The following SLC13A5 variants were observed in gnomAD, a reference collection of about 807,000 sequenced individuals.
SLC13A5 encodes Na(+)/citrate cotransporter.
A neutral mutation model predicts 56.5 loss-of-function variants in SLC13A5; 25 were observed. The ratio of observed to expected loss-of-function variants is 0.44; its 90% CI spans 0.32 to 0.62. The LOEUF (loss-of-function observed/expected upper bound fraction) is 0.62. SLC13A5 is among the 20% of genes least tolerant of loss of function. SLC13A5 has a pLI of 0.04. For missense variants in SLC13A5, 649 were observed against 737.8 expected (o/e 0.88, Z 1.39); for synonymous variants, 307 against 301.5 (o/e 1.02, Z -0.19).
At position 6,694,172 on chromosome 17, in the gene SLC13A5, T is replaced by C. The variant is rs1286369245; in HGVS notation, c.1081A>G (p.Ile361Val). The change falls in exon 8 of 12, where the codon ATC becomes GTC. Residue 361 changes from isoleucine (I) to valine (V), a missense_variant. Physicochemically the swap from Ile to Val is conservative, Grantham distance 29. Transcript: ENST00000433363. ...TKYVSDATVA[I>V]FVATLLFIVP... ...ATGAATAGCAGGGTGGCCACAAAGATGGCCACAGTGGCATCGGAGACATAC... is the reference window on the plus strand; with the variant it reads ...ATGAATAGCAGGGTGGCCACAAAGACGGCCACAGTGGCATCGGAGACATAC... 1 of 1,612,736 alleles carries C rather than the reference T, an allele frequency of 6.2e-7. No homozygotes were observed. The highest frequency in any genetic ancestry group is 8.5e-7 in the Non-Finnish European group (1 of 1,179,210).
At chr17:6,712,091 A>T (rs1205480777) in intron 1 of SLC13A5, among the ~76,000 whole-genome samples, 1 of 152,212 alleles carries the variant, frequency 6.6e-6, no homozygotes, top group African/African-American at 2.4e-5. Flanking sequence ...ACAGATGAGA[A>T]CACCAAGGCC....
At chr17:6,705,302 G>C (rs973888822) in intron 3 of SLC13A5, 7 of 152,238 alleles carry the variant, frequency 4.6e-5, no homozygotes, top group Admixed American at 1.3e-4. Flanking sequence ...TGACTCCCAG[G>C]ACAGGCAGTG....
In SLC13A5 at chr17:6,687,670, C is replaced by T. The variant is rs901014442; in HGVS notation, c.1438-4G>A. 41 of 1,587,534 alleles carry T rather than the reference C, an allele frequency of 2.6e-5. No individual in the cohort carries two copies. In the Admixed American group the frequency reaches 2.6e-4, roughly 10 times the overall value. ...GATTGAGGCCGATGGAGCGAGACTG[C>T]GGAAAAACAGCACTGCAACATCACC... is the stretch of plus-strand genomic sequence containing the variant. On this transcript the variant is annotated splice_region_variant and splice_polypyrimidine_tract_variant and intron_variant, in intron 10 of 11. Coordinates refer to ENST00000433363, the MANE Select transcript of SLC13A5 (RefSeq NM_177550.5). This position sits in a 1 kb window ranked among gnomAD's most constrained non-coding sequence, Gnocchi z 5.0.
intron 6 of SLC13A5, among the ~76,000 whole-genome samples, chr17:6,699,185 T>C (rs1028283974): frequency 6.6e-6 from 1 of 152,214 alleles, no homozygotes; most frequent in African/African-American, 2.4e-5. Context: ...TTATTATTCC[T>C]GTTGCCCCAT....
intron 4 of SLC13A5, 80 bp downstream of exon 4, chr17:6,703,798 G>A: frequency 7.1e-7 from 1 of 1,412,124 alleles, no homozygotes; most frequent in Non-Finnish European, 9.4e-7. Flanking sequence ...ACAGGGAGAA[G>A]GAGGTGGCCA....
At chr17:6,699,092 A>AAAT (rs1973641469) in intron 6 of SLC13A5, among the ~76,000 whole-genome samples, 1 of 148,462 alleles carries the variant, frequency 6.7e-6, no homozygotes, top group African/African-American at 2.5e-5. Flanking sequence ...AATAAATAAA[A>AAAT]TAAAATAAAA....
chr17:6,710,879 A>G (rs894030677), intron 1 of SLC13A5, among the ~76,000 whole-genome samples: 2 of 152,238 alleles, frequency 1.3e-5, no homozygotes, highest in African/African-American at 2.4e-5. Context: ...TTTACTTTAT[A>G]TCTTACAGAT....
intron 1 of SLC13A5, among the ~76,000 whole-genome samples, chr17:6,710,425 C>T (rs749024633): frequency 2.6e-5 from 4 of 152,166 alleles, no homozygotes; most frequent in Non-Finnish European, 4.4e-5. Flanking sequence ...TCCCATATGG[C>T]GCACAAAGTC....
chr17:6,704,078 G>A, intron 3 of SLC13A5, 22 bp from the exon 4 acceptor site: 1 of 1,597,858 alleles, frequency 6.3e-7, no homozygotes. Flanking sequence ...GGGCAGGGAG[G>A]AAAGCCAGAG....
rs766561824 is a variant in SLC13A5 at position 6,686,285 on chromosome 17, A to G, written c.1629T>C (p.Ala543=). 13 of 1,614,048 alleles carry G rather than the reference A, an allele frequency of 8.1e-6. No individual in the cohort carries two copies. Among genetic ancestry groups the G allele is most frequent in the Non-Finnish European group, 1.1e-5 (13 of 1,180,036 alleles). The change falls in exon 12 of 12, where the codon GCT becomes GCC. Residue 543 remains alanine (A), a synonymous_variant. Transcript: ENST00000433363. ...NIIGVFCVFL[A]VNTWGRAIFD... Reference sequence around the variant, plus strand: ...ATATGGCCCGTCCCCAGGTGTTGACAGCCAAAAACACACAGAAGACTCCAA... The same window carrying G: ...ATATGGCCCGTCCCCAGGTGTTGACGGCCAAAAACACACAGAAGACTCCAA...
At chr17:6,703,847 T>A in intron 4 of SLC13A5, 31 bp downstream of exon 4, 1 of 1,504,558 alleles carries the variant, frequency 6.6e-7, no homozygotes, top group Non-Finnish European at 8.8e-7. Context: ...GCTGCTGTTG[T>A]GGCCTGGCAG....
At chr17:6,694,057 T>A in intron 8 of SLC13A5, 40 bp downstream of exon 8, 1 of 1,418,572 alleles carries the variant, frequency 7.0e-7, no homozygotes, top group South Asian at 1.2e-5. Context: ...GTTCCAGGGC[T>A]CCAGTCCTGA....
In SLC13A5 at chr17:6,695,866, C is replaced by T; in HGVS notation, c.915G>A (p.Glu305=). The part of the protein sequence containing the change: ...EKAALKVLQE[E]YRKLGPLSFA... ...AGGACAAGGGCCCCAGCTTCCGGTA[C>T]TCCTCCTGCAGCACCTTGAGGGCAG... is the stretch of plus-strand genomic sequence containing the variant. The change falls in exon 7 of 12, where the codon GAG becomes GAA. Residue 305 remains glutamate (E), a synonymous_variant. Coordinates refer to ENST00000433363, the MANE Select transcript of SLC13A5 (RefSeq NM_177550.5). 4 of 1,614,168 alleles carry T rather than the reference C, an allele frequency of 2.5e-6. No homozygotes were observed. The African/African-American group carries it at 4.0e-5, about 16-fold the overall frequency.
Position 6,686,051 on chromosome 17 carries a change from T to G in SLC13A5, c.*156A>C. ...CCATGACCATCTCTGCATCTGGGCT[T>G]GGAGGAAGAGGTGGCCCATTGGCTG... is the stretch of plus-strand genomic sequence containing the variant. On this transcript the variant is annotated 3_prime_UTR_variant, in exon 12 of 12. Transcript: ENST00000433363. 1.9e-6 allele frequency: 2 copies of G among 1,033,448 alleles called. No homozygotes were observed. The highest frequency in any genetic ancestry group is 2.8e-6 in the Non-Finnish European group (2 of 701,976). The allele number at this position is 1,033,448 out of a possible 1,614,324, so 64.0% of individuals were successfully genotyped here. A position where few individuals can be genotyped will look rare whatever the true frequency, so the allele number is the denominator to read the frequency against.
rs760787380 is a variant in SLC13A5, at chr17:6,707,101, A to G, written c.158T>C (p.Val53Ala). 1 of 1,613,966 alleles carries G rather than the reference A, an allele frequency of 6.2e-7. No individual in the cohort carries two copies. Among genetic ancestry groups the G allele is most frequent in the Non-Finnish European group, 8.5e-7 (1 of 1,180,030 alleles). The part of the protein sequence containing the change: ...ILMAIYWCTE[V>A]IPLAVTSLMP... ...GAGAGAGGTGACAGCCAGAGGGATG[A>G]CTTCTGTGCACCAGTAAATGGCCAT... The change falls in exon 2 of 12, where the codon GTC becomes GCC. Residue 53 changes from valine to alanine, a missense_variant. By Grantham distance (64) the Val-to-Ala change is moderately conservative. Transcript: ENST00000433363.
intron 6 of SLC13A5, among the ~76,000 whole-genome samples, chr17:6,700,444 C>T (rs74681408): frequency 0.043 from 6,585 of 152,314 alleles, 177 homozygotes; most frequent in East Asian, 0.064. Flanking sequence ...AGAGCGTATG[C>T]GCTCAGCTCA....
At chr17:6,699,983 C>T (rs1231642561) in intron 6 of SLC13A5, among the ~76,000 whole-genome samples, 1 of 152,114 alleles carries the variant, frequency 6.6e-6, no homozygotes, top group African/African-American at 2.4e-5. Context: ...CCCTATTTTC[C>T]CCACAAAATC....
rs1214906061 is a variant in SLC13A5 at position 6,701,113 on chromosome 17, T to G, written c.730A>C (p.Ser244Arg). The G allele has an allele frequency of 6.2e-7, 1 of 1,614,108 alleles. No individual in the cohort carries two copies. The highest frequency in any genetic ancestry group is 1.7e-5 in the Admixed American group (1 of 60,014). ...GAAGCAAAGTTCACGAGGTCCTTGC[T>G]GTCAGGAAACAACCTACAAGAAGAC... The part of the protein sequence containing the change: ...LGQMNELFPD[S>R]KDLVNFASWF... Residue 244 changes from serine to arginine, a missense_variant, in exon 6 of 12, where the codon AGC (serine) becomes CGC (arginine). Ser to Arg is a moderately radical substitution (Grantham distance 110, BLOSUM62 -1). Transcript: ENST00000433363. This position sits in a 1 kb window ranked among gnomAD's most constrained non-coding sequence, Gnocchi z 4.1.
rs140389204 is a variant in SLC13A5 at position 6,704,034 on chromosome 17, C to T, written c.391G>A (p.Val131Ile). 3.0e-5 allele frequency: 48 copies of T among 1,612,198 alleles called. No individual in the cohort carries two copies. Among genetic ancestry groups the T allele is most frequent in the African/African-American group, 4.0e-5 (3 of 74,890 alleles). Residue 131 changes from valine to isoleucine, a missense_variant, in exon 4 of 12, where the codon GTC (valine) becomes ATC (isoleucine). Coordinates refer to ENST00000433363, the MANE Select transcript of SLC13A5 (RefSeq NM_177550.5). The part of the protein sequence containing the change: ...PARLMLGFMG[V>I]TALLSMWISN... Reference sequence around the variant, plus strand: ...ATCCACATGGACAGGAGGGCTGTGACGCCCATGAAGCCCAGCATCAGCCTG... The same window carrying T: ...ATCCACATGGACAGGAGGGCTGTGATGCCCATGAAGCCCAGCATCAGCCTG...
Sources: gnomAD v4.1 joint callset for allele counts (sites outside exome capture counted in the v4.1 genomes callset) on GRCh38, gnomAD v4.1.1 for gene constraint, Gnocchi (gnomAD v3.1) non-coding constraint, MANE v1.5 for transcripts, NCBI Gene and HGNC (gene_info 2026-07-23, HGNC 2026-07-21) for gene names.